Variants in DIP2C observed in about 807,000 individuals in gnomAD.
DIP2C encodes the protein DIP2 acetate--CoA ligase C (putative), also known as disco-interacting protein 2 homolog C.
In DIP2C, 33 loss-of-function variants were observed where a neutral mutation model predicts 192.4. That is an observed-to-expected ratio of 0.17 (90% confidence interval 0.13 to 0.23). The LOEUF (loss-of-function observed/expected upper bound fraction) is 0.23, where lower values mean the gene tolerates loss of function less well. DIP2C is among the 10% of genes least tolerant of loss of function. The pLI is 1.00. For synonymous variants in DIP2C, 979 were observed against 864.1 expected, an observed-to-expected ratio of 1.13 and a Z score of -2.33; for missense variants, 1,537 against 2,110.1, an observed-to-expected ratio of 0.73 and a Z score of 5.32.
chr10:618,720 T>C (rs1853639273), intron 1 of DIP2C, among the ~76,000 whole-genome samples: 1 of 152,246 alleles, frequency 6.6e-6, no homozygotes, highest in African/African-American at 2.4e-5. Context: ...GAACAGAGCC[T>C]CTGCCAGATC....
chr10:548,494 G>T (rs1268797269), intron 1 of DIP2C, among the ~76,000 whole-genome samples: 7 of 147,776 alleles, frequency 4.7e-5, no homozygotes, highest in African/African-American at 1.6e-4. Context: ...GAGGCCAGAG[G>T]TGATGTGGCC....
chr10:373,945 A>T (rs1961277513), intron 17 of DIP2C, among the ~76,000 whole-genome samples: 1 of 152,174 alleles, frequency 6.6e-6, no homozygotes, highest in Non-Finnish European at 1.5e-5. Flanking sequence ...TACTCGCAAT[A>T]GCCCCCCGGA....
chr10:357,953 G>C lies in DIP2C; in HGVS notation c.2795-16C>G, dbSNP rs745858570. ...GGGCCGATTTCTAGAAAGAAACAGAGACATGGCCATGAGGAAACAAAAGAG... is the reference window on the plus strand; with the variant it reads ...GGGCCGATTTCTAGAAAGAAACAGACACATGGCCATGAGGAAACAAAAGAG... On this transcript the variant is annotated splice_polypyrimidine_tract_variant and intron_variant, in intron 22 of 36. Coordinates refer to ENST00000280886, the MANE Select transcript of DIP2C (RefSeq NM_014974.3). 5.0e-6 allele frequency: 8 copies of C among 1,588,398 alleles called. No individual in the cohort carries two copies. The South Asian group carries it at 7.7e-5, about 15-fold the overall frequency.
At chr10:364,290 C>T in intron 20 of DIP2C, 84 bp downstream of exon 20, 1 of 1,463,546 alleles carries the variant, frequency 6.8e-7, no homozygotes, top group Non-Finnish European at 9.3e-7. Flanking sequence ...TTTAAGGAAA[C>T]TGTGCAACTT....
chr10:551,209 C>CA, intron 1 of DIP2C, among the ~76,000 whole-genome samples: 1 of 152,352 alleles, frequency 6.6e-6, no homozygotes, highest in African/African-American at 2.4e-5. Flanking sequence ...GACACTGCCT[C>CA]AAGCGCCTCC....
intron 1 of DIP2C, among the ~76,000 whole-genome samples, chr10:549,419 G>A (rs891046910): frequency 1.3e-5 from 2 of 152,050 alleles, no homozygotes; most frequent in African/African-American, 2.4e-5. Context: ...ACACGGACTC[G>A]GGCCCATCCA....
chr10:643,453 G>T (rs902526769), intron 1 of DIP2C, among the ~76,000 whole-genome samples: 5 of 152,046 alleles, frequency 3.3e-5, no homozygotes, highest in African/African-American at 1.2e-4. Flanking sequence ...GGCGGAGCCT[G>T]CAGTGAACTG....
intron 1 of DIP2C, among the ~76,000 whole-genome samples, chr10:575,629 T>C (rs1471279165): frequency 6.6e-6 from 1 of 152,142 alleles, no homozygotes; most frequent in Non-Finnish European, 1.5e-5. Context: ...AACACAAGCC[T>C]TCCAGACATG....
rs372529547 is a variant in DIP2C, at chr10:427,934, C to T, written c.395-4901G>A. ...TCCTCCCAAGATAAAGGAAATTATA[C>T]GTATACACAAAGATATGTACATAAA... On this transcript the variant is annotated intron_variant, in intron 4 of 36. Transcript: ENST00000280886. Among the ~76,000 whole-genome samples, 6 of 152,144 alleles carry T rather than the reference C, an allele frequency of 3.9e-5. No homozygotes were observed. In the South Asian group the frequency reaches 8.3e-4, roughly 21 times the overall value.
At chr10:624,751 G>A (rs148030750) in intron 1 of DIP2C, among the ~76,000 whole-genome samples, 3 of 152,342 alleles carry the variant, frequency 2.0e-5, no homozygotes, top group East Asian at 3.9e-4. Flanking sequence ...GCTGAGCCAC[G>A]AGCCAGGGAC....
At chr10:659,191 A>G (rs965316181) in intron 1 of DIP2C, among the ~76,000 whole-genome samples, 1 of 152,244 alleles carries the variant, frequency 6.6e-6, no homozygotes, top group African/African-American at 2.4e-5. Flanking sequence ...AACTATATAC[A>G]CAGGAGCATC....
In DIP2C at chr10:666,150, G is replaced by T. The variant is rs917774615; in HGVS notation, c.85+23344C>A. ...GCTATCTGGAATAATACGAGTCCGGGTGACATATGTAATTGTGAGTTTTTG... is the reference window on the plus strand; with the variant it reads ...GCTATCTGGAATAATACGAGTCCGGTTGACATATGTAATTGTGAGTTTTTG... On this transcript the variant is annotated intron_variant, in intron 1 of 36. Coordinates refer to ENST00000280886, the MANE Select transcript of DIP2C (RefSeq NM_014974.3). This position sits in a 1 kb window ranked among gnomAD's most constrained non-coding sequence, Gnocchi z 4.1. The T allele has an allele frequency of 6.6e-6, 1 of 152,166 alleles. No individual in the cohort carries two copies. The highest frequency in any genetic ancestry group is 2.1e-4 in the South Asian group (1 of 4,832). The allele number at this position is 152,166 out of a possible 1,614,324, so 9.4% of individuals were successfully genotyped here. A position where few individuals can be genotyped will look rare whatever the true frequency, so the allele number is the denominator to read the frequency against.
rs370421260 is a variant in DIP2C, at chr10:467,046, T to G, written c.268+5393A>C. The stretch of plus-strand genomic sequence containing the variant: ...TCCCATTACTGGGTATATACCCAAA[T>G]GACTATAAATCATGCTGCTATAAAG... On this transcript the variant is annotated intron_variant, in intron 3 of 36. Coordinates refer to ENST00000280886, the MANE Select transcript of DIP2C (RefSeq NM_014974.3). 2.2e-3 allele frequency among the ~76,000 whole-genome samples: 331 copies of G among 151,488 alleles called. 1 individual carries two copies. Among genetic ancestry groups the G allele is most frequent in the Middle Eastern group, 0.01 (3 of 294 alleles).
At chr10:687,142 C>T (rs1442885730) in intron 1 of DIP2C, among the ~76,000 whole-genome samples, 1 of 152,202 alleles carries the variant, frequency 6.6e-6, no homozygotes, top group Non-Finnish European at 1.5e-5. Context: ...TCAGCTTTCA[C>T]TCTGAAAGCA....
intron 11 of DIP2C, 81 bp downstream of exon 11, chr10:390,659 C>A: frequency 6.5e-7 from 1 of 1,548,686 alleles, no homozygotes; most frequent in Non-Finnish European, 8.7e-7. Context: ...GGATTGAAAC[C>A]GAGGCGGGGT....
chr10:528,429 G>GCC (rs1417683574), intron 1 of DIP2C, among the ~76,000 whole-genome samples: 1 of 143,228 alleles, frequency 7.0e-6, no homozygotes, highest in Non-Finnish European at 1.5e-5. Context: ...AACGCAGACC[G>GCC]CCCGCTGCTC....
At chr10:371,807 C>T (rs2132803402) in intron 17 of DIP2C, among the ~76,000 whole-genome samples, 1 of 152,344 alleles carries the variant, frequency 6.6e-6, no homozygotes, top group East Asian at 1.9e-4. Context: ...CTTGGGGTCT[C>T]CAACTCCAGC....
intron 1 of DIP2C, among the ~76,000 whole-genome samples, chr10:674,789 T>TATATATATATAG: frequency 0.017 from 1,088 of 62,382 alleles, 20 homozygotes; most frequent in Non-Finnish European, 0.022. Flanking sequence ...TATATATATA[T>TATATATATATAG]AGAGAGAGAG....
intron 1 of DIP2C, among the ~76,000 whole-genome samples, chr10:576,243 G>A (rs1850147613): frequency 6.6e-6 from 1 of 152,254 alleles, no homozygotes; most frequent in South Asian, 2.1e-4. Flanking sequence ...AAGGAAGGGA[G>A]CTGTCGCCCA....
Sources: gnomAD v4.1 joint callset for allele counts (sites outside exome capture counted in the v4.1 genomes callset) on GRCh38, gnomAD v4.1.1 for gene constraint, Gnocchi (gnomAD v3.1) non-coding constraint, MANE v1.5 for transcripts, NCBI Gene and HGNC (gene_info 2026-07-23, HGNC 2026-07-21) for gene names.